RAP1GAP: variants seen among roughly 807,000 people sequenced by gnomAD.
RAP1GAP encodes RAP1 GTPase activating protein.
In RAP1GAP, 35 loss-of-function variants were observed where a neutral mutation model predicts 87.2. The observed-to-expected ratio is 0.40, with a 90% CI of 0.31 to 0.53. The LOEUF is 0.53. Ranked by LOEUF, RAP1GAP falls within the 20% of genes least tolerant of loss-of-function variation. The pLI, the probability that RAP1GAP is intolerant of heterozygous loss-of-function variation, is 0.48. For missense variants in RAP1GAP, 734 were observed against 898.9 expected (o/e 0.82, Z 2.35); for synonymous variants, 375 against 363.9 (o/e 1.03, Z -0.35).
intron 1 of RAP1GAP, among the ~76,000 whole-genome samples, chr1:21,659,523 G>A (rs1002307435): frequency 6.6e-6 from 1 of 152,106 alleles, no homozygotes; most frequent in Non-Finnish European, 1.5e-5. Flanking sequence ...GGGCGCACCT[G>A]CGCCCGCCCA....
intron 2 of RAP1GAP, among the ~76,000 whole-genome samples, chr1:21,629,113 C>T (rs573038004): frequency 9.2e-5 from 14 of 152,236 alleles, no homozygotes; most frequent in African/African-American, 3.1e-4. Flanking sequence ...CTTCCCCTAG[C>T]GAATGGGGGA....
chr1:21,626,873 G>A (rs888697288), intron 2 of RAP1GAP: 4 of 456,658 alleles, frequency 8.8e-6, no homozygotes, highest in African/African-American at 8.0e-5. Flanking sequence ...CACATGCCAG[G>A]CCCTGTGCTG....
intron 1 of RAP1GAP, among the ~76,000 whole-genome samples, chr1:21,660,352 T>TATATATATATATATATATATCTA (rs1248298305): frequency 1.2e-5 from 1 of 85,972 alleles, no homozygotes; most frequent in East Asian, 6.1e-4. Context: ...TATATATTTA[T>TATATATATATATATATATATCTA]TGAGACAGTC....
At chr1:21,617,868 C>A in intron 6 of RAP1GAP, 66 bp downstream of exon 6, 1 of 1,603,284 alleles carries the variant, frequency 6.2e-7, no homozygotes, top group Non-Finnish European at 8.5e-7. Context: ...GACCTGGTAT[C>A]CAGAAGCCCT....
At position 21,669,018 on chromosome 1, in the gene RAP1GAP, G is replaced by T. The variant is rs2097488707; in HGVS notation, c.-149+236C>A. Among the ~76,000 whole-genome samples, 1 of 151,844 alleles carries T rather than the reference G, an allele frequency of 6.6e-6. No individual in the cohort carries two copies. The highest frequency in any genetic ancestry group is 6.5e-5 in the Admixed American group (1 of 15,274). ...CCTGGACCAAGTCCAACAGGCTGGG[G>T]GTTCAGCCGGCTCAGTCCAGGCCTC... On this transcript the variant is annotated intron_variant, in intron 1 of 24. Coordinates refer to ENST00000374765, the MANE Select transcript of RAP1GAP (RefSeq NM_002885.4). This position sits in a 1 kb window ranked among gnomAD's most constrained non-coding sequence, Gnocchi z 5.6.
intron 18 of RAP1GAP, among the ~76,000 whole-genome samples, chr1:21,604,170 G>A (rs934005675): frequency 6.6e-6 from 1 of 151,942 alleles, no homozygotes; most frequent in African/African-American, 2.4e-5. Context: ...ACAGGGACAC[G>A]CGTGAGCCAG....
chr1:21,618,548 G>A (rs1172137784), intron 5 of RAP1GAP, among the ~76,000 whole-genome samples: 1 of 152,074 alleles, frequency 6.6e-6, no homozygotes, highest in African/African-American at 2.4e-5. Flanking sequence ...TGGCTGGGGG[G>A]CACCCAGGCC....
Position 21,603,407 on chromosome 1 carries a change from G to A in RAP1GAP, c.1429-494C>T, listed in dbSNP as rs2070868135. Reference sequence around the variant, plus strand: ...CCACACACTGTGCTGGGATGCCCCAGGCCCCAGAAGCCCGCCCCCAGCTTC... The same window carrying A: ...CCACACACTGTGCTGGGATGCCCCAAGCCCCAGAAGCCCGCCCCCAGCTTC... On this transcript the variant is annotated intron_variant, in intron 18 of 24. Transcript: ENST00000374765. This position sits in a 1 kb window ranked among gnomAD's most constrained non-coding sequence, Gnocchi z 6.0. 1.8e-6 allele frequency: 1 copy of A among 548,394 alleles called. No individual in the cohort carries two copies. Among genetic ancestry groups the A allele is most frequent in the Non-Finnish European group, 3.2e-6 (1 of 307,788 alleles). The allele number at this position is 548,394 out of a possible 1,614,324, so 34.0% of individuals were successfully genotyped here.
intron 1 of RAP1GAP, among the ~76,000 whole-genome samples, chr1:21,664,323 C>T (rs138912258): frequency 2.0e-5 from 3 of 152,308 alleles, no homozygotes; most frequent in Admixed American, 6.5e-5. Context: ...CAGAGAACTA[C>T]GCCAGGTGGT....
chr1:21,598,879 G>C (rs2148457087), intron 21 of RAP1GAP, among the ~76,000 whole-genome samples: 1 of 152,064 alleles, frequency 6.6e-6, no homozygotes, highest in South Asian at 2.1e-4. Flanking sequence ...GCCTGGGTCT[G>C]CACTGTTCCC....
Position 21,598,143 on chromosome 1 carries a change from G to C in RAP1GAP, c.1880-79C>G, listed in dbSNP as rs1297129839. Reference sequence around the variant, plus strand: ...GAGACGGGGGCATAGGTGGGCGGTCGGCACCAGTGCGCTCCAACCCCACCC... The same window carrying C: ...GAGACGGGGGCATAGGTGGGCGGTCCGCACCAGTGCGCTCCAACCCCACCC... On this transcript the variant is annotated intron_variant, in intron 22 of 24. Coordinates refer to ENST00000374765, the MANE Select transcript of RAP1GAP (RefSeq NM_002885.4). 3 of 947,102 alleles carry C rather than the reference G, an allele frequency of 3.2e-6. No individual in the cohort carries two copies. The East Asian group carries it at 7.9e-5, about 25-fold the overall frequency. The allele number at this position is 947,102 out of a possible 1,614,324, so 58.7% of individuals were successfully genotyped here. A position where few individuals can be genotyped will look rare whatever the true frequency, so the allele number is the denominator to read the frequency against.
Position 21,622,272 on chromosome 1 carries a change from C to T in RAP1GAP, c.-18-2222G>A. On this transcript the variant is annotated intron_variant, in intron 3 of 24. Transcript: ENST00000374765. The surrounding 1 kb of genome is among the most constrained non-coding windows in gnomAD (Gnocchi z 5.7). ...CCTGGCTGGGGCAGAGCCGGCCGGG[C>T]TCCCCAGCAGTCGGGGTGACCCAGC... 2.2e-6 allele frequency: 1 copy of T among 454,984 alleles called. No individual in the cohort carries two copies. The highest frequency in any genetic ancestry group is 3.9e-6 in the Non-Finnish European group (1 of 255,718). The allele number at this position is 454,984 out of a possible 1,614,324, so 28.2% of individuals were successfully genotyped here. A position where few individuals can be genotyped will look rare whatever the true frequency, so the allele number is the denominator to read the frequency against.
chr1:21,645,330 AG>A (rs2095938780), intron 2 of RAP1GAP, among the ~76,000 whole-genome samples: 1 of 151,920 alleles, frequency 6.6e-6, no homozygotes, highest in Admixed American at 6.6e-5. Context: ...AGTGGCTGCC[AG>A]GGGCTGGGCA....
chr1:21,647,145 G>C (rs1249543223), intron 2 of RAP1GAP, among the ~76,000 whole-genome samples: 1 of 152,200 alleles, frequency 6.6e-6, no homozygotes, highest in African/African-American at 2.4e-5. Flanking sequence ...GTGGAGGACA[G>C]AGACATGAGA....
At position 21,620,041 on chromosome 1, in the gene RAP1GAP, G is replaced by C. The variant is rs1350514197; in HGVS notation, c.-9C>G. 29 of 1,613,816 alleles carry C rather than the reference G, an allele frequency of 1.8e-5. No homozygotes were observed. The highest frequency in any genetic ancestry group is 2.4e-5 in the Non-Finnish European group (28 of 1,179,926). On this transcript the variant is annotated 5_prime_UTR_variant, in exon 4 of 25. It adds an upstream start codon to the 5' untranslated region. Coordinates refer to ENST00000374765, the MANE Select transcript of RAP1GAP (RefSeq NM_002885.4). The stretch of plus-strand genomic sequence containing the variant: ...TGCATCTTCTCAATCATCTCAAATA[G>C]ATCTGTGTTCTGCAACAGAGACAGG...
Position 21,611,323 on chromosome 1 carries a change from T to A in RAP1GAP, c.843+129A>T, listed in dbSNP as rs2078116259. ...CCCTGACCCAACGAGACCCCACAAG[T>A]GGGGGCGCTGATCATTTCCATCTCC... On this transcript the variant is annotated intron_variant, in intron 13 of 24. Coordinates refer to ENST00000374765, the MANE Select transcript of RAP1GAP (RefSeq NM_002885.4). 2.1e-5 allele frequency: 27 copies of A among 1,305,800 alleles called. 2 individuals carry two copies. In the South Asian group the frequency reaches 3.8e-4, roughly 18 times the overall value. 80.9% of individuals were successfully genotyped at this position (1,305,800 alleles called of 1,614,324 possible).
rs192835963 is a variant in RAP1GAP, at chr1:21,639,719, G to A, written c.-113+10042C>T. Among the ~76,000 whole-genome samples the A allele has an allele frequency of 6.6e-5, 10 of 152,286 alleles. No individual in the cohort carries two copies. The East Asian group carries it at 1.7e-3, about 26-fold the overall frequency. On this transcript the variant is annotated intron_variant, in intron 2 of 24. Coordinates refer to ENST00000374765, the MANE Select transcript of RAP1GAP (RefSeq NM_002885.4). The stretch of plus-strand genomic sequence containing the variant: ...TCTGTGCGGATGTGGAGTGAGCAAG[G>A]ATCCACCCTGGCTGGACCCCAGGGC...
At chr1:21,630,666 C>T (rs1398559794) in intron 2 of RAP1GAP, among the ~76,000 whole-genome samples, 3 of 152,132 alleles carry the variant, frequency 2.0e-5, no homozygotes, top group Non-Finnish European at 4.4e-5. Context: ...GATCCTTCCC[C>T]CTCGGCCTCC....
At position 21,603,660 on chromosome 1, in the gene RAP1GAP, G is replaced by A. The variant is rs1373914859; in HGVS notation, c.1429-747C>T. ...GGCACTGGCTCTGGCACAGGTACCA[G>A]GCCCCAAAGCAGGTGCTGAGTGCCA... is the stretch of plus-strand genomic sequence containing the variant. On this transcript the variant is annotated intron_variant, in intron 18 of 24. Coordinates refer to ENST00000374765, the MANE Select transcript of RAP1GAP (RefSeq NM_002885.4). This position sits in a 1 kb window ranked among gnomAD's most constrained non-coding sequence, Gnocchi z 6.0. 4 of 782,294 alleles carry A rather than the reference G, an allele frequency of 5.1e-6. No homozygotes were observed. Among genetic ancestry groups the A allele is most frequent in the Non-Finnish European group, 6.9e-6 (3 of 437,776 alleles). 48.5% of individuals were successfully genotyped at this position (782,294 alleles called of 1,614,324 possible). A position where few individuals can be genotyped will look rare whatever the true frequency, so the allele number is the denominator to read the frequency against.
Sources: gnomAD v4.1 joint callset for allele counts (sites outside exome capture counted in the v4.1 genomes callset) on GRCh38, gnomAD v4.1.1 for gene constraint, Gnocchi (gnomAD v3.1) non-coding constraint, MANE v1.5 for transcripts, NCBI Gene and HGNC (gene_info 2026-07-23, HGNC 2026-07-21) for gene names.